Variants in WWOX observed in about 807,000 individuals in gnomAD.
The protein encoded by WWOX is WW domain-containing oxidoreductase.
WWOX carries 69 observed loss-of-function variants against 46.2 expected under a neutral mutation model. The ratio of observed to expected loss-of-function variants is 1.49; its 90% confidence interval spans 1.23 to 1.82. The LOEUF is 1.82. Ranked by LOEUF, WWOX falls within the 40% of genes most tolerant of loss-of-function variation. The pLI is 0.00. For missense variants in WWOX, 919 were observed against 542.6 expected, an observed-to-expected ratio of 1.69 and a Z score of -6.89; for synonymous variants, 359 against 202.6, an observed-to-expected ratio of 1.77 and a Z score of -6.56.
intron 8 of WWOX, among the ~76,000 whole-genome samples, chr16:78,576,549 G>A (rs536561434): frequency 6.6e-6 from 1 of 152,306 alleles, no homozygotes; most frequent in South Asian, 2.1e-4. Flanking sequence ...TAAAAATGCT[G>A]CTTTGAGGCC....
chr16:78,578,278 A>ATTTTT (rs2044949393), intron 8 of WWOX, among the ~76,000 whole-genome samples: 20 of 33,832 alleles, frequency 5.9e-4, no homozygotes, highest in African/African-American at 2.5e-3. Flanking sequence ...ATATATATAT[A>ATTTTT]TATATATTTT....
At chr16:79,206,481 G>C (rs1178950242) in intron 8 of WWOX, 2 of 152,302 alleles carry the variant, frequency 1.3e-5, no homozygotes, top group East Asian at 3.9e-4. Flanking sequence ...AACTGTCCCT[G>C]GCTCATAGAG....
intron 6 of WWOX, among the ~76,000 whole-genome samples, chr16:78,412,032 A>T (rs971864798): frequency 6.6e-6 from 1 of 152,148 alleles, no homozygotes. Context: ...GACTTCCCAG[A>T]TGTGAGGGTG....
intron 4 of WWOX, among the ~76,000 whole-genome samples, chr16:78,154,426 C>CA (rs2034526132): frequency 6.6e-6 from 1 of 150,722 alleles, no homozygotes; most frequent in East Asian, 2.0e-4. Context: ...CTTCATGGAG[C>CA]TTCATCTCTG....
intron 8 of WWOX, among the ~76,000 whole-genome samples, chr16:78,536,490 T>C (rs1185764981): frequency 6.6e-6 from 1 of 152,188 alleles, no homozygotes; most frequent in South Asian, 2.1e-4. Flanking sequence ...TTAGGTCCTC[T>C]CTGGAGGTGA....
chr16:78,501,542 C>A (rs1172433976), intron 8 of WWOX, among the ~76,000 whole-genome samples: 2 of 145,486 alleles, frequency 1.4e-5, no homozygotes, highest in East Asian at 2.0e-4. Flanking sequence ...CTTTTTCTTT[C>A]TTTTTTTTTT....
intron 8 of WWOX, among the ~76,000 whole-genome samples, chr16:78,766,402 C>T (rs981236771): frequency 6.6e-6 from 1 of 152,148 alleles, no homozygotes; most frequent in Non-Finnish European, 1.5e-5. Context: ...CAAAACCAGC[C>T]TGGGCAACAC....
chr16:78,813,939 C>T (rs1214057934), intron 8 of WWOX, among the ~76,000 whole-genome samples: 1 of 152,176 alleles, frequency 6.6e-6, no homozygotes, highest in Admixed American at 6.5e-5. Flanking sequence ...TGTTAACCTT[C>T]CTGAAGCTTG....
chr16:78,833,798 C>G (rs981940853), intron 8 of WWOX, among the ~76,000 whole-genome samples: 15 of 152,334 alleles, frequency 9.8e-5, no homozygotes, highest in African/African-American at 3.1e-4. Context: ...GATAAATTAC[C>G]CAGAGTCACA....
At chr16:79,118,777 C>T (rs1378353572) in intron 8 of WWOX, among the ~76,000 whole-genome samples, 1 of 152,200 alleles carries the variant, frequency 6.6e-6, no homozygotes, top group East Asian at 1.9e-4. Flanking sequence ...GAGATCATTG[C>T]CATACGCCCA....
chr16:78,786,400 C>G (rs1009074287), intron 8 of WWOX, among the ~76,000 whole-genome samples: 1 of 152,130 alleles, frequency 6.6e-6, no homozygotes, highest in Non-Finnish European at 1.5e-5. Flanking sequence ...TTTCACCACA[C>G]ACAGGATACA....
At position 79,057,416 on chromosome 16, in the gene WWOX, C is replaced by G. The variant is rs527403222; in HGVS notation, c.1057-154192C>G. On this transcript the variant is annotated intron_variant, in intron 8 of 8. Coordinates refer to ENST00000566780, the MANE Select transcript of WWOX (RefSeq NM_016373.4). ...ATAGCATTTTTACCAACTGTTTTTG[C>G]TAAGCATTAGTTTCTTGTGATAGGT... Among the ~76,000 whole-genome samples, 9 of 152,310 alleles carry G rather than the reference C, an allele frequency of 5.9e-5. 1 individual carries two copies. The South Asian group carries it at 1.7e-3, about 28-fold the overall frequency.
Position 78,261,788 on chromosome 16 carries a change from CTATATA to C in WWOX, c.516+97524_516+97529del, listed in dbSNP as rs71384369. 8.0e-4 allele frequency among the ~76,000 whole-genome samples: 59 copies of C among 73,748 alleles called. 1 individual carries two copies. Among genetic ancestry groups the C allele is most frequent in the Middle Eastern group, 7.5e-3 (1 of 134 alleles). 48.4% of individuals were successfully genotyped at this position (73,748 alleles called of 152,430 possible). A position where few individuals can be genotyped will look rare whatever the true frequency, so the allele number is the denominator to read the frequency against. On this transcript the variant is annotated intron_variant, in intron 5 of 8. Transcript: ENST00000566780. ...TCTATCTATGTATCTATCTATCTAT[CTATATA>C]TATATATATATATATATATATATAC...
intron 5 of WWOX, among the ~76,000 whole-genome samples, chr16:78,225,582 G>C (rs934102574): frequency 6.6e-6 from 1 of 152,054 alleles, no homozygotes; most frequent in Non-Finnish European, 1.5e-5. Context: ...GCCTATGTTT[G>C]ACTTTGAAAT....
intron 8 of WWOX, among the ~76,000 whole-genome samples, chr16:78,833,315 G>T (rs1025660091): frequency 1.3e-5 from 2 of 151,768 alleles, no homozygotes; most frequent in Admixed American, 6.6e-5. Context: ...TCAAAGCACT[G>T]GGATGACAAG....
chr16:78,733,253 A>C (rs2049007508), intron 8 of WWOX, among the ~76,000 whole-genome samples: 1 of 152,212 alleles, frequency 6.6e-6, no homozygotes, highest in South Asian at 2.1e-4. Context: ...AAATAAATAT[A>C]CTGCCAGCCT....
chr16:78,942,854 C>T (rs748146098), intron 8 of WWOX, among the ~76,000 whole-genome samples: 1 of 152,188 alleles, frequency 6.6e-6, no homozygotes, highest in Admixed American at 6.5e-5. Context: ...GGCTCAGGTC[C>T]TAGGTCAAAG....
intron 8 of WWOX, among the ~76,000 whole-genome samples, chr16:78,904,754 C>G (rs145305556): frequency 5.9e-4 from 90 of 152,314 alleles, no homozygotes; most frequent in African/African-American, 2.1e-3. Flanking sequence ...ATCTGTCACA[C>G]TTAGTACTTT....
At chr16:78,774,450 G>C (rs1159762763) in intron 8 of WWOX, among the ~76,000 whole-genome samples, 2 of 152,052 alleles carry the variant, frequency 1.3e-5, no homozygotes, top group Non-Finnish European at 1.5e-5. Context: ...ATCCACGTTG[G>C]TGTGTCTCAT....
Sources: allele counts gnomAD v4.1 joint callset (sites outside exome capture counted in the v4.1 genomes callset), GRCh38; gene constraint gnomAD v4.1.1; transcripts MANE v1.5; gene names NCBI Gene and HGNC (gene_info 2026-07-23, HGNC 2026-07-21).